Variants in CACNA2D3 observed in about 807,000 individuals in gnomAD.
CACNA2D3 encodes the protein voltage-dependent calcium channel subunit alpha-2/delta-3.
Under a neutral mutation model 160.6 loss-of-function variants are expected in CACNA2D3, and 60 were observed. The ratio of observed to expected loss-of-function variants is 0.37; its 90% CI spans 0.30 to 0.46. CACNA2D3 has a LOEUF of 0.46. Among genes scored for constraint, CACNA2D3 ranks in the 20% least tolerant of loss-of-function variants. The probability of loss-of-function intolerance (pLI) is 1.00; values close to 1 mark genes in which losing one functional copy is unlikely to be tolerated. For synonymous variants in CACNA2D3, 558 were observed against 492.9 expected (o/e 1.13, Z -1.75); for missense variants, 1,205 against 1,365.0 (o/e 0.88, Z 1.85).
At chr3:54,659,525 A>G (rs2106877857) in intron 11 of CACNA2D3, among the ~76,000 whole-genome samples, 1 of 152,322 alleles carries the variant, frequency 6.6e-6, no homozygotes, top group East Asian at 1.9e-4. Context: ...GGGGGTAGAC[A>G]GAGATCATAT....
intron 2 of CACNA2D3, among the ~76,000 whole-genome samples, chr3:54,302,292 C>G (rs1323466740): frequency 6.6e-6 from 1 of 152,126 alleles, no homozygotes; most frequent in Non-Finnish European, 1.5e-5. Flanking sequence ...ATTGTTAAGT[C>G]TCTGTGTGGC....
At chr3:54,892,688 C>T (rs1174831716) in intron 25 of CACNA2D3, among the ~76,000 whole-genome samples, 1 of 152,198 alleles carries the variant, frequency 6.6e-6, no homozygotes, top group Non-Finnish European at 1.5e-5. Flanking sequence ...ACATTGCCTT[C>T]TCCTGTTAGG....
chr3:54,380,788 G>A lies in CACNA2D3; in HGVS notation c.322-5927G>A, dbSNP rs776572952. Among the ~76,000 whole-genome samples the A allele has an allele frequency of 9.2e-5, 14 of 152,198 alleles. 1 individual carries two copies. Among genetic ancestry groups the A allele is most frequent in the Admixed American group, 7.2e-4 (11 of 15,294 alleles). Reference sequence around the variant, plus strand: ...TCTAGGGTAACAGTTCAACCATGCCGCTCTGGGTATGGTTGTGATAGTAAT... The same window carrying A: ...TCTAGGGTAACAGTTCAACCATGCCACTCTGGGTATGGTTGTGATAGTAAT... On this transcript the variant is annotated intron_variant, in intron 3 of 37. Transcript: ENST00000474759.
intron 4 of CACNA2D3, among the ~76,000 whole-genome samples, chr3:54,421,719 G>T (rs1699839118): frequency 6.6e-6 from 1 of 152,188 alleles, no homozygotes; most frequent in African/African-American, 2.4e-5. Flanking sequence ...AGGGCATGTT[G>T]ACGATAAGAA....
intron 4 of CACNA2D3, among the ~76,000 whole-genome samples, chr3:54,412,117 T>G (rs992289742): frequency 1.3e-5 from 2 of 152,194 alleles, no homozygotes; most frequent in African/African-American, 4.8e-5. Context: ...CTTTTGTGTC[T>G]GGTTTCTTTT....
intron 11 of CACNA2D3, among the ~76,000 whole-genome samples, chr3:54,736,006 T>C (rs1166577653): frequency 4.1e-5 from 4 of 97,412 alleles, no homozygotes; most frequent in African/African-American, 1.6e-4. Flanking sequence ...TATATATATA[T>C]GTATATATAT....
At chr3:54,761,987 T>G (rs1031662415) in intron 12 of CACNA2D3, among the ~76,000 whole-genome samples, 4 of 152,184 alleles carry the variant, frequency 2.6e-5, no homozygotes, top group Non-Finnish European at 4.4e-5. Flanking sequence ...GAGCTAGTGC[T>G]GTGATGGAGC....
chr3:54,629,267 G>A (rs544255692), intron 10 of CACNA2D3, among the ~76,000 whole-genome samples: 1 of 152,006 alleles, frequency 6.6e-6, no homozygotes, highest in South Asian at 2.1e-4. Context: ...GCAAGCAGAA[G>A]CCCAGGCAGG....
Position 54,393,260 on chromosome 3 carries a change from G to A in CACNA2D3, c.381+6486G>A, listed in dbSNP as rs1270149380. On this transcript the variant is annotated intron_variant, in intron 4 of 37. Transcript: ENST00000474759. ...GTGCTCTCCACTGGGGACTCCTACC[G>A]ACCTCACAGGTGCTCAGGTCAGCTG... is the stretch of plus-strand genomic sequence containing the variant. 5.9e-5 allele frequency among the ~76,000 whole-genome samples: 9 copies of A among 152,192 alleles called. No individual in the cohort carries two copies. In the East Asian group the frequency reaches 1.4e-3, roughly 23 times the overall value.
chr3:55,062,641 A>G lies in CACNA2D3; in HGVS notation c.2988-10804A>G, dbSNP rs80302330. The stretch of plus-strand genomic sequence containing the variant: ...GATGATTAAATCAATTCCTACTGCC[A>G]CCAACCTGTAGAATTGGAGGCGTCT... On this transcript the variant is annotated intron_variant, in intron 35 of 37. Transcript: ENST00000474759. 3.2e-3 allele frequency among the ~76,000 whole-genome samples: 480 copies of G among 152,324 alleles called. 2 individuals are homozygous for G. Among genetic ancestry groups the G allele is most frequent in the African/African-American group, 0.011 (463 of 41,562 alleles).
intron 2 of CACNA2D3, among the ~76,000 whole-genome samples, chr3:54,138,990 G>A (rs533155284): frequency 3.9e-5 from 6 of 152,300 alleles, no homozygotes; most frequent in Admixed American, 3.9e-4. Context: ...TGGGCTGGAG[G>A]GGGCAGGAGT....
At chr3:54,918,646 T>C in intron 27 of CACNA2D3, 1 of 1,614,180 alleles carries the variant, frequency 6.2e-7, no homozygotes, top group Non-Finnish European at 8.5e-7. Flanking sequence ...GGCAATGGCA[T>C]GACGCAGGTT....
intron 5 of CACNA2D3, among the ~76,000 whole-genome samples, chr3:54,542,989 G>C (rs1327450567): frequency 1.3e-5 from 2 of 152,178 alleles, no homozygotes; most frequent in African/African-American, 4.8e-5. Flanking sequence ...CTTGACAAGC[G>C]AACACCTCAT....
At chr3:54,675,646 C>T (rs1700231201) in intron 11 of CACNA2D3, among the ~76,000 whole-genome samples, 1 of 152,176 alleles carries the variant, frequency 6.6e-6, no homozygotes, top group Admixed American at 6.5e-5. Context: ...CATCATGCTG[C>T]TGTGCATTCC....
intron 2 of CACNA2D3, among the ~76,000 whole-genome samples, chr3:54,187,548 G>T (rs550382952): frequency 6.6e-6 from 1 of 152,242 alleles, no homozygotes; most frequent in South Asian, 2.1e-4. Flanking sequence ...ATCGCTAGTT[G>T]TCTGTCTGGA....
chr3:54,509,339 G>A (rs1435994446), intron 5 of CACNA2D3, among the ~76,000 whole-genome samples: 1 of 151,766 alleles, frequency 6.6e-6, no homozygotes, highest in Non-Finnish European at 1.5e-5. Flanking sequence ...GAGAGCACAC[G>A]CACATAAGTG....
chr3:54,293,965 G>C lies in CACNA2D3; in HGVS notation c.205-26477G>C, dbSNP rs80296264. On this transcript the variant is annotated intron_variant, in intron 2 of 37. Coordinates refer to ENST00000474759, the MANE Select transcript of CACNA2D3 (RefSeq NM_018398.3). ...ACATTTAAATGCATGCTTGGGGGTA[G>C]TGGAAGGCCCCCAGAAAGGAGGGGG... Among the ~76,000 whole-genome samples the C allele has an allele frequency of 3.9e-3, 588 of 152,324 alleles. 15 individuals carry two copies. In the East Asian group the frequency reaches 0.063, roughly 16 times the overall value.
chr3:54,149,911 CTCTCTCTCTCTCT>C (rs1700108156), intron 2 of CACNA2D3, among the ~76,000 whole-genome samples: 2 of 94,512 alleles, frequency 2.1e-5, no homozygotes, highest in South Asian at 4.9e-4. Flanking sequence ...CTCTCTCTCT[CTCTCTCTCTCTCT>C]CTCTCTCCCT....
chr3:54,877,683 CCCTGG>C (rs916078825), intron 18 of CACNA2D3, among the ~76,000 whole-genome samples: 1 of 152,138 alleles, frequency 6.6e-6, no homozygotes, highest in African/African-American at 2.4e-5. Flanking sequence ...GCATCAGTGA[CCCTGG>C]CCTTGGACAC....
Sources: gnomAD v4.1 joint callset for allele counts (sites outside exome capture counted in the v4.1 genomes callset) on GRCh38, gnomAD v4.1.1 for gene constraint, MANE v1.5 for transcripts, NCBI Gene and HGNC (gene_info 2026-07-23, HGNC 2026-07-21) for gene names.